The following MYCBP2 variants were observed in gnomAD, a reference collection of about 807,000 sequenced individuals.
The protein encoded by MYCBP2 is MYC binding protein 2.
Under a neutral mutation model 525.3 loss-of-function variants are expected in MYCBP2, and 120 were observed. That is an observed-to-expected ratio of 0.23 (90% confidence interval 0.20 to 0.27). The LOEUF is 0.27. Ranked by LOEUF, MYCBP2 falls within the 10% of genes least tolerant of loss-of-function variation. The pLI is 1.00. For missense variants in MYCBP2, 4,149 were observed against 5,657.1 expected (o/e 0.73, Z 8.55); for synonymous variants, 1,894 against 1,955.8 (o/e 0.97, Z 0.83).
intron 29 of MYCBP2, 81 bp from the exon 30 acceptor site, chr13:77,189,128 G>A: frequency 1.1e-6 from 1 of 924,062 alleles, no homozygotes; most frequent in Non-Finnish European, 1.5e-6. Context: ...ATACATTTTT[G>A]AATGGGAAAA....
intron 26 of MYCBP2, among the ~76,000 whole-genome samples, chr13:77,201,190 G>A (rs925619347): frequency 1.2e-4 from 18 of 151,228 alleles, no homozygotes; most frequent in African/African-American, 4.4e-4. Context: ...ATAAAAGGAT[G>A]GAGGAAGATC....
chr13:77,254,747 T>G (rs935492732), intron 14 of MYCBP2, among the ~76,000 whole-genome samples: 5 of 151,894 alleles, frequency 3.3e-5, no homozygotes, highest in African/African-American at 1.2e-4. Context: ...AACCAACCAC[T>G]CTTCCTCTCC....
intron 1 of MYCBP2, among the ~76,000 whole-genome samples, chr13:77,322,063 A>G (rs530803594): frequency 1.3e-5 from 2 of 152,326 alleles, no homozygotes; most frequent in South Asian, 4.1e-4. Flanking sequence ...GAGGAGACTG[A>G]GGCAGGAAGA....
At chr13:77,200,450 C>G (rs1462195180) in intron 26 of MYCBP2, among the ~76,000 whole-genome samples, 1 of 151,664 alleles carries the variant, frequency 6.6e-6, no homozygotes, top group Non-Finnish European at 1.5e-5. Flanking sequence ...AGAATGGAAC[C>G]AAGTTGGAAA....
At chr13:77,096,520 G>A in intron 56 of MYCBP2, 39 bp from the exon 57 acceptor site, 1 of 1,605,838 alleles carries the variant, frequency 6.2e-7, no homozygotes, top group Non-Finnish European at 8.5e-7. Flanking sequence ...AACACTCCAA[G>A]TGTCCTTAAT....
In MYCBP2 at chr13:77,166,534, C is replaced by T. The variant is rs934710781; in HGVS notation, c.6135G>A (p.Val2045=). The T allele has an allele frequency of 9.9e-6, 16 of 1,612,214 alleles. No individual in the cohort carries two copies. The African/African-American group carries it at 1.9e-4, about 19-fold the overall frequency. Residue 2045 remains valine, a synonymous_variant, in exon 41 of 83, where the codon GTG becomes GTA. Coordinates refer to ENST00000544440, the MANE Select transcript of MYCBP2 (RefSeq NM_015057.5). ...MHYKVTFPEC[V]RWMTIEFDPQ... ...GGTCAAATTCGATTGTCATCCACCT[C>T]ACACATTCTGGGAATGTCACCTGAG...
At position 77,055,602 on chromosome 13, in the gene MYCBP2, C is replaced by CA; in HGVS notation, c.13602dup (p.Ala4535CysfsTer4). On this transcript the variant is annotated frameshift_variant, in exon 80 of 83. Transcript: ENST00000544440. LOFTEE classifies it high-confidence loss of function. ...ACATAATATGCATATCTATTCATTG[C>CA]ATAGCCAGCTGGGTCATTATAAAAC... 1.2e-6 allele frequency: 2 copies of CA among 1,614,030 alleles called. No individual in the cohort carries two copies. Among genetic ancestry groups the CA allele is most frequent in the Non-Finnish European group, 1.7e-6 (2 of 1,180,002 alleles).
chr13:77,260,876 G>C (rs1020044209), intron 12 of MYCBP2, among the ~76,000 whole-genome samples: 1 of 151,980 alleles, frequency 6.6e-6, no homozygotes, highest in African/African-American at 2.4e-5. Context: ...CTCCTGGAGG[G>C]CCCAATCTCT....
intron 65 of MYCBP2, among the ~76,000 whole-genome samples, chr13:77,080,030 C>G (rs1253467905): frequency 6.6e-6 from 1 of 152,148 alleles, no homozygotes; most frequent in Non-Finnish European, 1.5e-5. Flanking sequence ...TTAAAATGTA[C>G]CATGAGCCAA....
rs1326606528 is a variant in MYCBP2, at chr13:77,096,522, G to A, written c.9785-41C>T. 5 of 1,598,202 alleles carry A rather than the reference G, an allele frequency of 3.1e-6. No homozygotes were observed. The South Asian group carries it at 5.6e-5, about 18-fold the overall frequency. ...AAAATAAATATTTAACACTCCAAGTGTCCTTAATAGTTTGATCCTTATTAC... is the reference window on the plus strand; with the variant it reads ...AAAATAAATATTTAACACTCCAAGTATCCTTAATAGTTTGATCCTTATTAC... On this transcript the variant is annotated intron_variant, in intron 56 of 82. Coordinates refer to ENST00000544440, the MANE Select transcript of MYCBP2 (RefSeq NM_015057.5).
At chr13:77,226,582 T>C (rs1476569074) in intron 18 of MYCBP2, among the ~76,000 whole-genome samples, 1 of 152,340 alleles carries the variant, frequency 6.6e-6, no homozygotes, top group East Asian at 1.9e-4. Flanking sequence ...TATATGAAGA[T>C]ACATATGTGA....
At chr13:77,272,489 TTG>T (rs945223396) in intron 5 of MYCBP2, 7 of 152,228 alleles carry the variant, frequency 4.6e-5, no homozygotes, top group Admixed American at 1.3e-4. Context: ...ATCTGAATGT[TTG>T]TGTTACTTTA....
chr13:77,148,635 T>A (rs2055995799), intron 47 of MYCBP2, among the ~76,000 whole-genome samples: 1 of 152,124 alleles, frequency 6.6e-6, no homozygotes, highest in Admixed American at 6.5e-5. Flanking sequence ...GCTAGATCCA[T>A]CCAAATGATT....
intron 55 of MYCBP2, chr13:77,118,550 T>C (rs374103444): frequency 2.8e-5 from 21 of 756,490 alleles, no homozygotes; most frequent in Admixed American, 5.2e-5. Context: ...ACATCCAAAA[T>C]GGCAAAGTAA....
At chr13:77,129,246 T>G (rs1451490088) in intron 52 of MYCBP2, 1 of 397,616 alleles carries the variant, frequency 2.5e-6, no homozygotes, top group East Asian at 3.6e-5. Context: ...CAACAAAGTT[T>G]AAGAAAGAAA....
rs1238876359 is a variant in MYCBP2 at position 77,098,788 on chromosome 13, G to C, written c.8366C>G (p.Ser2789Cys). Residue 2789 changes from serine (S) to cysteine (C), a missense_variant, in exon 56 of 83, where the codon TCC (serine) becomes TGC (cysteine). Ser to Cys is a moderately radical substitution (Grantham distance 112, BLOSUM62 -1). This residue lies in a region of MYCBP2 where 653 missense variants were observed against 744.7 expected (regional missense o/e 0.88). Coordinates refer to ENST00000544440, the MANE Select transcript of MYCBP2 (RefSeq NM_015057.5). ...LRSDSHSRSLSPNHNTLQTLK... is the reference protein window; with the variant it reads ...LRSDSHSRSLCPNHNTLQTLK... ...TGTCTGCAAGGTGTTATGGTTGGGG[G>C]ATAATGACCTACTGTGGGAATCTGA... is the stretch of plus-strand genomic sequence containing the variant. 6.2e-7 allele frequency: 1 copy of C among 1,613,548 alleles called. No individual in the cohort carries two copies. The highest frequency in any genetic ancestry group is 1.1e-5 in the South Asian group (1 of 91,058).
At chr13:77,191,344 A>T (rs2061274863) in intron 28 of MYCBP2, among the ~76,000 whole-genome samples, 2 of 152,200 alleles carry the variant, frequency 1.3e-5, no homozygotes, top group Admixed American at 6.5e-5. Flanking sequence ...AATATCACAT[A>T]TCTACTTCTT....
chr13:77,139,975 CCTT>C (rs1176272929), intron 51 of MYCBP2, 69 bp downstream of exon 51: 3 of 971,592 alleles, frequency 3.1e-6, no homozygotes, highest in Non-Finnish European at 4.6e-6. Flanking sequence ...AACTCAGTAA[CCTT>C]ATTATTATGC....
chr13:77,323,724 A>G (rs913209330), intron 1 of MYCBP2, among the ~76,000 whole-genome samples: 1 of 152,236 alleles, frequency 6.6e-6, no homozygotes, highest in Non-Finnish European at 1.5e-5. Context: ...CAGAGCAGGC[A>G]CTTGATGTTT....
Sources: gnomAD v4.1 joint callset for allele counts (sites outside exome capture counted in the v4.1 genomes callset) on GRCh38, gnomAD v4.1.1 for gene constraint, gnomAD v4.1.1 regional missense constraint, MANE v1.5 for transcripts, NCBI Gene and HGNC (gene_info 2026-07-23, HGNC 2026-07-21) for gene names.